USH2A: variants seen among roughly 807,000 people sequenced by gnomAD.
The protein encoded by USH2A is usherin, also known as Usher syndrome 2A (autosomal recessive, mild).
USH2A carries 443 observed loss-of-function variants against 538.9 expected under a neutral mutation model. The observed-to-expected ratio is 0.82, with a 90% CI of 0.76 to 0.89. The LOEUF (loss-of-function observed/expected upper bound fraction) is 0.89. Ranked by LOEUF, USH2A falls within the 40% of genes least tolerant of loss-of-function variation. USH2A has a pLI of 0.00. For synonymous variants in USH2A, 2,413 were observed against 2,273.5 expected (o/e 1.06, Z -1.75); for missense variants, 6,633 against 6,324.8 (o/e 1.05, Z -1.65).
chr1:216,046,581 C>G lies in USH2A; in HGVS notation c.6175G>C (p.Val2059Leu). 1 of 1,613,706 alleles carries G rather than the reference C, an allele frequency of 6.2e-7. No individual in the cohort carries two copies. The highest frequency in any genetic ancestry group is 8.5e-7 in the Non-Finnish European group (1 of 1,179,734). The change falls in exon 32 of 72, where the codon GTT becomes CTT. Residue 2059 changes from valine to leucine, a missense_variant. Physicochemically the swap from Val to Leu is conservative, Grantham distance 32. Transcript: ENST00000307340. ...ISTPQEAPQEVQPPVAKSLPS... is the reference protein window; with the variant it reads ...ISTPQEAPQELQPPVAKSLPS... The stretch of plus-strand genomic sequence containing the variant: ...AGGGATTTGGCTACTGGTGGCTGAA[C>G]CTCTTGTGGGGCTGTGGAAGAAAAG...
Position 216,084,747 on chromosome 1 carries a change from C to T in USH2A, c.5118G>A (p.Trp1706Ter), listed in dbSNP as rs1461319754. Residue 1706 changes from tryptophan to a stop codon, truncating the protein, a stop_gained, in exon 25 of 72, where the codon TGG becomes TGA. Transcript: ENST00000307340. LOFTEE classifies it high-confidence loss of function. ...SEEQINVYNS[W>*]EGCPASLNEG... Reference sequence around the variant, plus strand: ...CATTTAATGAAGCGGGACATCCCTCCCAGCTGTTATACACGTTGATTTGTT... The same window carrying T: ...CATTTAATGAAGCGGGACATCCCTCTCAGCTGTTATACACGTTGATTTGTT... 2 of 1,613,356 alleles carry T rather than the reference C, an allele frequency of 1.2e-6. No homozygotes were observed. The highest frequency in any genetic ancestry group is 1.7e-6 in the Non-Finnish European group (2 of 1,179,670).
At chr1:216,405,242 T>C (rs905220543) in intron 3 of USH2A, among the ~76,000 whole-genome samples, 1 of 152,134 alleles carries the variant, frequency 6.6e-6, no homozygotes, top group African/African-American at 2.4e-5. Context: ...CAAGACTTCA[T>C]AGACTTGACA....
In USH2A at chr1:216,247,258, T is replaced by A. The variant is rs1025983362; in HGVS notation, c.2168-32A>T. 2.5e-6 allele frequency: 4 copies of A among 1,611,582 alleles called. No homozygotes were observed. The African/African-American group carries it at 5.3e-5, about 22-fold the overall frequency. On this transcript the variant is annotated intron_variant, in intron 12 of 71. Transcript: ENST00000307340. ...ATAAAATATATTTAAAAGGTGAGGA[T>A]GGGAAAATGATTTCATTCAAGATAG...
intron 11 of USH2A, among the ~76,000 whole-genome samples, chr1:216,287,300 C>A (rs12121424): frequency 0.04 from 6,019 of 152,172 alleles, 171 homozygotes; most frequent in Non-Finnish European, 0.063. Context: ...AAAATTTCTC[C>A]AACTTAAAAA....
At chr1:215,627,799 A>ATTAC (rs1656113107) in intron 71 of USH2A, among the ~76,000 whole-genome samples, 1 of 152,164 alleles carries the variant, frequency 6.6e-6, no homozygotes, top group Non-Finnish European at 1.5e-5. Context: ...AAATGCTGGG[A>ATTAC]TTACAGGCGT....
intron 21 of USH2A, among the ~76,000 whole-genome samples, chr1:216,113,337 T>C (rs917178949): frequency 2.6e-5 from 4 of 152,116 alleles, no homozygotes; most frequent in Admixed American, 6.5e-5. Context: ...AATTGTCATC[T>C]AACCGCCTTT....
chr1:215,969,380 T>G lies in USH2A; in HGVS notation c.6957+1245A>C, dbSNP rs545628301. Among the ~76,000 whole-genome samples the G allele has an allele frequency of 1.2e-4, 18 of 152,276 alleles. No individual in the cohort carries two copies. The East Asian group carries it at 2.9e-3, about 25-fold the overall frequency. On this transcript the variant is annotated intron_variant, in intron 36 of 71. Transcript: ENST00000307340. ...GATTTCTTAAGGTTAACGTAGCTACTGTCTGTGCAGGATGCAGGTTGATAA... is the reference window on the plus strand; with the variant it reads ...GATTTCTTAAGGTTAACGTAGCTACGGTCTGTGCAGGATGCAGGTTGATAA...
chr1:215,701,713 T>C (rs1024083522), intron 61 of USH2A, among the ~76,000 whole-genome samples: 1 of 152,188 alleles, frequency 6.6e-6, no homozygotes, highest in Non-Finnish European at 1.5e-5. Context: ...ATGTGTGTCT[T>C]TGCACGTGAG....
At chr1:215,976,725 C>T (rs1341821275) in intron 35 of USH2A, among the ~76,000 whole-genome samples, 1 of 152,076 alleles carries the variant, frequency 6.6e-6, no homozygotes, top group Non-Finnish European at 1.5e-5. Flanking sequence ...GTTGAATTAA[C>T]TTTTTGCTGT....
At chr1:216,036,347 A>G (rs543650009) in intron 32 of USH2A, among the ~76,000 whole-genome samples, 1 of 152,136 alleles carries the variant, frequency 6.6e-6, no homozygotes, top group Admixed American at 6.6e-5. Flanking sequence ...GAAAAGAAAA[A>G]AAAGCAATAC....
chr1:215,682,870 A>G lies in USH2A; in HGVS notation c.12067-2494T>C, dbSNP rs148156693. Among the ~76,000 whole-genome samples, 945 of 151,362 alleles carry G rather than the reference A, an allele frequency of 6.2e-3. 3 individuals carry two copies. The highest frequency in any genetic ancestry group is 0.011 in the Non-Finnish European group (735 of 67,854). On this transcript the variant is annotated intron_variant, in intron 61 of 71. Transcript: ENST00000307340. ...CATTATTTATTTATTTATTTAATTT[A>G]TTATTATTATTCTTATTTTTTGGCT... is the stretch of plus-strand genomic sequence containing the variant.
intron 38 of USH2A, among the ~76,000 whole-genome samples, chr1:215,933,074 A>G (rs533545): frequency 0.14 from 20,642 of 151,922 alleles, 1,532 homozygotes; most frequent in Non-Finnish European, 0.15. Flanking sequence ...ATCACAAACT[A>G]TTTAATCAGT....
rs866904288 is a variant in USH2A, at chr1:216,422,517, G to A, written c.-181C>T. 4 of 768,476 alleles carry A rather than the reference G, an allele frequency of 5.2e-6. No homozygotes were observed. Among genetic ancestry groups the A allele is most frequent in the East Asian group, 5.6e-5 (2 of 35,450 alleles). 47.6% of individuals were successfully genotyped at this position (768,476 alleles called of 1,614,324 possible). On this transcript the variant is annotated 5_prime_UTR_variant, in exon 2 of 72. Transcript: ENST00000307340. ...TACCAACGACGTTCTTAGCAATGGC[G>A]AAGACATGAGTAGCTGCTGGTATCT...
At chr1:216,119,397 T>C (rs1359783645) in intron 21 of USH2A, among the ~76,000 whole-genome samples, 1 of 151,966 alleles carries the variant, frequency 6.6e-6, no homozygotes, top group African/African-American at 2.4e-5. Flanking sequence ...TGTTTAGCTT[T>C]GTGAGTATCA....
intron 36 of USH2A, among the ~76,000 whole-genome samples, chr1:215,966,094 C>T (rs1240104358): frequency 6.6e-6 from 1 of 152,048 alleles, no homozygotes; most frequent in Non-Finnish European, 1.5e-5. Flanking sequence ...GACTCTATCC[C>T]TAAGGCACAA....
chr1:216,155,579 C>T (rs974399046), intron 21 of USH2A, among the ~76,000 whole-genome samples: 1 of 152,146 alleles, frequency 6.6e-6, no homozygotes, highest in African/African-American at 2.4e-5. Context: ...AGCACCCATT[C>T]CCTAGCCCCT....
intron 21 of USH2A, among the ~76,000 whole-genome samples, chr1:216,105,816 T>G (rs1463955769): frequency 6.6e-6 from 1 of 152,106 alleles, no homozygotes; most frequent in African/African-American, 2.4e-5. Flanking sequence ...GCTATACAAA[T>G]ATTTTCATTT....
intron 21 of USH2A, among the ~76,000 whole-genome samples, chr1:216,143,810 G>A (rs1444475874): frequency 6.6e-6 from 1 of 152,118 alleles, no homozygotes; most frequent in Non-Finnish European, 1.5e-5. Context: ...TGTCAAACTT[G>A]CTTAATATTT....
At chr1:216,137,217 A>G (rs182508805) in intron 21 of USH2A, among the ~76,000 whole-genome samples, 29 of 152,206 alleles carry the variant, frequency 1.9e-4, no homozygotes, top group Admixed American at 1.6e-3. Context: ...ATAAATTATG[A>G]CCATTTGGAG....
Sources: gnomAD v4.1 joint callset for allele counts (sites outside exome capture counted in the v4.1 genomes callset) on GRCh38, gnomAD v4.1.1 for gene constraint, MANE v1.5 for transcripts, NCBI Gene and HGNC (gene_info 2026-07-23, HGNC 2026-07-21) for gene names.